The following KIAA1549L variants were observed in gnomAD, a reference collection of about 807,000 sequenced individuals.
The protein encoded by KIAA1549L is UPF0606 protein KIAA1549L.
A neutral mutation model predicts 160.7 loss-of-function variants in KIAA1549L; 88 were observed. The observed-to-expected ratio is 0.55, with a 90% CI of 0.46 to 0.65. The LOEUF (loss-of-function observed/expected upper bound fraction) is 0.65, where lower values mean the gene tolerates loss of function less well. Ranked by LOEUF, KIAA1549L falls within the 30% of genes least tolerant of loss-of-function variation. The probability of loss-of-function intolerance (pLI) is 0.00; values close to 1 mark genes in which losing one functional copy is unlikely to be tolerated. For synonymous variants in KIAA1549L, 950 were observed against 976.7 expected, an observed-to-expected ratio of 0.97 and a Z score of 0.51; for missense variants, 2,258 against 2,437.5, an observed-to-expected ratio of 0.93 and a Z score of 1.55.
chr11:33,609,468 C>T (rs191526399), intron 14 of KIAA1549L, among the ~76,000 whole-genome samples: 19 of 152,304 alleles, frequency 1.2e-4, no homozygotes, highest in Non-Finnish European at 2.4e-4. Flanking sequence ...GCTAAGAGCA[C>T]GGAGTCAGGC....
At chr11:33,437,831 G>T (rs551032271) in intron 1 of KIAA1549L, among the ~76,000 whole-genome samples, 1 of 152,298 alleles carries the variant, frequency 6.6e-6, no homozygotes, top group African/African-American at 2.4e-5. Context: ...AAGTCAACCT[G>T]CAGCTCCAGG....
intron 9 of KIAA1549L, among the ~76,000 whole-genome samples, chr11:33,569,663 C>T (rs112542075): frequency 3.3e-5 from 5 of 152,166 alleles, no homozygotes; most frequent in African/African-American, 7.2e-5. Context: ...TCCCTCCATT[C>T]GCAGTTGGTG....
chr11:33,524,248 G>A (rs1190029116), intron 1 of KIAA1549L, among the ~76,000 whole-genome samples: 2 of 151,958 alleles, frequency 1.3e-5, no homozygotes, highest in Non-Finnish European at 2.9e-5. Context: ...AGTTGCAGGT[G>A]GAATTCGCTC....
chr11:33,448,829 A>G (rs1233898059), intron 1 of KIAA1549L, among the ~76,000 whole-genome samples: 5 of 152,194 alleles, frequency 3.3e-5, no homozygotes, highest in Non-Finnish European at 5.9e-5. Context: ...AGGTAATCTG[A>G]AAGTATGAAC....
At chr11:33,440,916 C>CT (rs995203411) in intron 1 of KIAA1549L, among the ~76,000 whole-genome samples, 206 of 148,528 alleles carry the variant, frequency 1.4e-3, no homozygotes, top group African/African-American at 1.6e-3. Flanking sequence ...CAGTTCTTTT[C>CT]TTTTTTTTTT....
At chr11:33,628,383 G>A (rs2133369892) in intron 16 of KIAA1549L, among the ~76,000 whole-genome samples, 1 of 151,472 alleles carries the variant, frequency 6.6e-6, no homozygotes, top group Non-Finnish European at 1.5e-5. Context: ...TTGACAGTGG[G>A]GTGTTAAAGT....
intron 1 of KIAA1549L, among the ~76,000 whole-genome samples, chr11:33,463,870 T>C (rs969504022): frequency 1.3e-5 from 2 of 152,220 alleles, no homozygotes; most frequent in African/African-American, 4.8e-5. Context: ...CACTTTGCCT[T>C]AGGTGCAGTT....
intron 6 of KIAA1549L, among the ~76,000 whole-genome samples, chr11:33,555,248 A>G (rs2133206515): frequency 1.3e-5 from 2 of 152,368 alleles, no homozygotes; most frequent in South Asian, 4.1e-4. Context: ...AGGAATCTGA[A>G]GATTTAATGT....
intron 1 of KIAA1549L, among the ~76,000 whole-genome samples, chr11:33,399,224 A>T (rs571502826): frequency 1.3e-5 from 2 of 152,256 alleles, no homozygotes; most frequent in South Asian, 4.1e-4. Context: ...AAGTGCCAGG[A>T]TTACAGGTGT....
chr11:33,420,855 C>A (rs941807279), intron 1 of KIAA1549L, among the ~76,000 whole-genome samples: 2 of 152,248 alleles, frequency 1.3e-5, no homozygotes, highest in African/African-American at 4.8e-5. Flanking sequence ...GATGTACTGT[C>A]TGCAATCATC....
chr11:33,513,295 C>T (rs944614984), intron 1 of KIAA1549L, among the ~76,000 whole-genome samples: 18 of 152,214 alleles, frequency 1.2e-4, no homozygotes, highest in Admixed American at 7.8e-4. Flanking sequence ...TTTTTCCTCA[C>T]GGAGGTAGAG....
At position 33,645,738 on chromosome 11, in the gene KIAA1549L, G is replaced by A. The variant is rs374311986; in HGVS notation, c.5462G>A (p.Arg1821Gln). Residue 1821 changes from arginine to glutamine, a missense_variant, in exon 17 of 21, where the codon CGG becomes CAG. Coordinates refer to ENST00000658780, the MANE Select transcript of KIAA1549L (RefSeq NM_012194.3). Reference protein sequence around the residue: ...ETNIDRVPEPRGYSRSRQVKG... With the variant: ...ETNIDRVPEPQGYSRSRQVKG... The stretch of plus-strand genomic sequence containing the variant: ...AACATTGACAGAGTTCCTGAGCCCC[G>A]GGGCTATTCCAGGTCTCGACAGGTG... 6.2e-6 allele frequency: 10 copies of A among 1,613,846 alleles called. No individual in the cohort carries two copies. Among genetic ancestry groups the A allele is most frequent in the South Asian group, 2.2e-5 (2 of 91,078 alleles).
intron 1 of KIAA1549L, among the ~76,000 whole-genome samples, chr11:33,496,348 A>G (rs1264283068): frequency 6.6e-6 from 1 of 152,168 alleles, no homozygotes; most frequent in Non-Finnish European, 1.5e-5. Flanking sequence ...CTATGAAGGT[A>G]GGGGCTTAGG....
Position 33,667,855 on chromosome 11 carries a change from TC to T in KIAA1549L, c.6160-14del, listed in dbSNP as rs1852524908. 1.3e-6 allele frequency: 2 copies of T among 1,596,722 alleles called. No homozygotes were observed. The highest frequency in any genetic ancestry group is 1.3e-5 in the African/African-American group (1 of 74,414). ...CCTCATGCCAGGCCCTGTCCTTCTC[TC>T]CCCACGCCCTCTGCAGGTGCCCCTC... is the stretch of plus-strand genomic sequence containing the variant. On this transcript the variant is annotated splice_polypyrimidine_tract_variant and intron_variant, in intron 20 of 20. Transcript: ENST00000658780.
chr11:33,502,187 C>G (rs976460746), intron 1 of KIAA1549L, among the ~76,000 whole-genome samples: 5 of 152,140 alleles, frequency 3.3e-5, no homozygotes, highest in Non-Finnish European at 7.3e-5. Context: ...GTTGCAGAGG[C>G]CTGATTCCTA....
chr11:33,616,890 G>C (rs1042715331), intron 15 of KIAA1549L, among the ~76,000 whole-genome samples: 2 of 152,134 alleles, frequency 1.3e-5, no homozygotes, highest in South Asian at 2.1e-4. Flanking sequence ...TGTAATCGCA[G>C]CACTTTGGGA....
chr11:33,448,082 T>A (rs1465448001), intron 1 of KIAA1549L, among the ~76,000 whole-genome samples: 3 of 152,192 alleles, frequency 2.0e-5, no homozygotes, highest in Non-Finnish European at 2.9e-5. Context: ...TTATTATTTT[T>A]AAAAAATTTT....
chr11:33,381,036 G>C (rs895620862), intron 1 of KIAA1549L, among the ~76,000 whole-genome samples: 1 of 151,762 alleles, frequency 6.6e-6, no homozygotes, highest in African/African-American at 2.4e-5. Flanking sequence ...GTTTTTGTTC[G>C]TTACCGTTAC....
intron 1 of KIAA1549L, among the ~76,000 whole-genome samples, chr11:33,394,524 TAGTC>T (rs901255781): frequency 4.7e-4 from 71 of 152,052 alleles, no homozygotes; most frequent in Admixed American, 5.9e-4. Context: ...TCCCTTGAAA[TAGTC>T]AGAAGTTTAA....
Sources: gnomAD v4.1 joint callset for allele counts (sites outside exome capture counted in the v4.1 genomes callset) on GRCh38, gnomAD v4.1.1 for gene constraint, MANE v1.5 for transcripts, NCBI Gene and HGNC (gene_info 2026-07-23, HGNC 2026-07-21) for gene names.